Variants in XPR1 observed in about 807,000 individuals in gnomAD.
XPR1 encodes xenotropic and polytropic retrovirus receptor 1, also known as solute carrier family 53 member 1.
XPR1 carries 28 observed loss-of-function variants against 87.5 expected under a neutral mutation model. The observed-to-expected ratio is 0.32, with a 90% CI of 0.24 to 0.44. XPR1 has a LOEUF of 0.44. Among genes scored for constraint, XPR1 ranks in the 20% least tolerant of loss-of-function variants. XPR1 has a pLI of 1.00. For synonymous variants in XPR1, 300 were observed against 306.1 expected (o/e 0.98, Z 0.21); for missense variants, 559 against 862.3 (o/e 0.65, Z 4.41).
chr1:180,840,947 TA>T (rs530543720), intron 11 of XPR1, among the ~76,000 whole-genome samples: 222 of 151,754 alleles, frequency 1.5e-3, no homozygotes, highest in Non-Finnish European at 2.6e-3. Context: ...TGCTAAGCAC[TA>T]AAAAAAATAG....
chr1:180,834,895 T>C lies in XPR1; in HGVS notation c.1156T>C (p.Phe386Leu). Residue 386 changes from phenylalanine to leucine, a missense_variant, in exon 10 of 15, where the codon TTC becomes CTC. By Grantham distance (22) the Phe-to-Leu change is conservative (BLOSUM62 0). Around this residue, in one of 7 missense-constraint regions of XPR1, gnomAD observed 264 missense variants for 377.2 expected, o/e 0.70. Transcript: ENST00000367590. Reference sequence around the variant, plus strand: ...TCAGTTTCGAGTATTTACAGCCCCCTTCCATAAGGTAGGCTTTGCTGATTT... The same window carrying C: ...TCAGTTTCGAGTATTTACAGCCCCCCTCCATAAGGTAGGCTTTGCTGATTT... ...KLLFRVFTAP[F>L]HKVGFADFWL... The C allele has an allele frequency of 6.2e-7, 1 of 1,612,582 alleles. No individual in the cohort carries two copies. Among genetic ancestry groups the C allele is most frequent in the East Asian group, 2.2e-5 (1 of 44,860 alleles).
intron 11 of XPR1, among the ~76,000 whole-genome samples, chr1:180,842,302 T>G (rs1377988236): frequency 6.6e-6 from 1 of 152,172 alleles, no homozygotes; most frequent in Non-Finnish European, 1.5e-5. Flanking sequence ...GAGTGTCTCA[T>G]GTTTTGCTGC....
intron 2 of XPR1, among the ~76,000 whole-genome samples, chr1:180,748,487 C>T (rs1647375513): frequency 7.9e-6 from 1 of 126,756 alleles, no homozygotes; most frequent in African/African-American, 2.9e-5. Flanking sequence ...GGCGCCATCT[C>T]AGCTCACTGC....
intron 9 of XPR1, among the ~76,000 whole-genome samples, chr1:180,832,015 A>T (rs1211620369): frequency 6.6e-6 from 1 of 152,220 alleles, no homozygotes; most frequent in East Asian, 1.9e-4. Context: ...TCCCACCAAC[A>T]GTGTAAAAGC....
At chr1:180,702,148 G>A (rs551547654) in intron 2 of XPR1, among the ~76,000 whole-genome samples, 4 of 77,516 alleles carry the variant, frequency 5.2e-5, no homozygotes, top group East Asian at 5.4e-4. Context: ...CTTTGTTCTC[G>A]TTGGTTTCAA....
At chr1:180,674,024 A>G (rs1184823904) in intron 1 of XPR1, among the ~76,000 whole-genome samples, 1 of 152,214 alleles carries the variant, frequency 6.6e-6, no homozygotes, top group Non-Finnish European at 1.5e-5. Flanking sequence ...GTGGTAGTTC[A>G]TATTCTATTA....
Position 180,889,519 on chromosome 1 carries a change from T to G in XPR1, c.*5453T>G, listed in dbSNP as rs879411307. The stretch of plus-strand genomic sequence containing the variant: ...AAGTCCCTACCTGCACTTCCCTGAT[T>G]GCCCTGTAGCAACACCAGCATGGTG... On this transcript the variant is annotated 3_prime_UTR_variant, in exon 15 of 15. Transcript: ENST00000367590. The G allele has an allele frequency of 6.6e-6, 1 of 152,230 alleles. No individual in the cohort carries two copies. The highest frequency in any genetic ancestry group is 1.5e-5 in the Non-Finnish European group (1 of 68,044). 9.4% of individuals were successfully genotyped at this position (152,230 alleles called of 1,614,324 possible).
intron 2 of XPR1, among the ~76,000 whole-genome samples, chr1:180,775,675 A>G (rs1488786340): frequency 6.6e-6 from 1 of 152,206 alleles, no homozygotes; most frequent in Non-Finnish European, 1.5e-5. Flanking sequence ...TGTGGTATAT[A>G]AAGTGATTAA....
At chr1:180,830,894 G>A (rs1049274836) in intron 9 of XPR1, among the ~76,000 whole-genome samples, 4 of 152,160 alleles carry the variant, frequency 2.6e-5, no homozygotes, top group African/African-American at 9.7e-5. Flanking sequence ...AGTCTGTGTC[G>A]GTCTTCTGTA....
At chr1:180,842,750 G>A (rs1651559836) in intron 11 of XPR1, among the ~76,000 whole-genome samples, 1 of 152,184 alleles carries the variant, frequency 6.6e-6, no homozygotes, top group African/African-American at 2.4e-5. Flanking sequence ...CTAAGTGGTT[G>A]TTGAGGGAAA....
At chr1:180,762,209 C>T (rs537477948) in intron 2 of XPR1, among the ~76,000 whole-genome samples, 2 of 151,864 alleles carry the variant, frequency 1.3e-5, no homozygotes, top group East Asian at 1.9e-4. Flanking sequence ...CAACATGGCA[C>T]ATGTATACAT....
At chr1:180,657,640 T>C (rs1448834350) in intron 1 of XPR1, among the ~76,000 whole-genome samples, 1 of 152,184 alleles carries the variant, frequency 6.6e-6, no homozygotes, top group Non-Finnish European at 1.5e-5. Context: ...TTCTTTTCCA[T>C]TGTTCTGTGT....
chr1:180,768,462 C>T (rs913085084), intron 2 of XPR1, among the ~76,000 whole-genome samples: 1 of 152,212 alleles, frequency 6.6e-6, no homozygotes, highest in African/African-American at 2.4e-5. Flanking sequence ...AGATTGAAAA[C>T]ATGAGTACAA....
intron 2 of XPR1, among the ~76,000 whole-genome samples, chr1:180,769,387 A>G (rs918607501): frequency 3.0e-5 from 4 of 133,670 alleles, no homozygotes; most frequent in African/African-American, 1.2e-4. Context: ...TTTTTTTTGT[A>G]TCAGTTAACC....
chr1:180,881,035 T>C lies in XPR1; in HGVS notation c.2030+738T>C, dbSNP rs115887861. Among the ~76,000 whole-genome samples the C allele has an allele frequency of 6.8e-3, 1,038 of 152,140 alleles. 10 individuals carry two copies. The highest frequency in any genetic ancestry group is 0.023 in the African/African-American group (959 of 41,514). On this transcript the variant is annotated intron_variant, in intron 14 of 14. Transcript: ENST00000367590. ...AGAGACACAGTAAAGAACATAAAGGTAGAAATGAAGTGCAGAAAGAAAAAC... is the reference window on the plus strand; with the variant it reads ...AGAGACACAGTAAAGAACATAAAGGCAGAAATGAAGTGCAGAAAGAAAAAC...
At chr1:180,833,521 A>G (rs547246783) in intron 9 of XPR1, among the ~76,000 whole-genome samples, 18 of 152,306 alleles carry the variant, frequency 1.2e-4, no homozygotes, top group African/African-American at 3.8e-4. Context: ...AAACACAAAA[A>G]AAACAGGGGT....
At chr1:180,873,966 AT>A in intron 13 of XPR1, 24 bp downstream of exon 13, 1 of 1,600,576 alleles carries the variant, frequency 6.2e-7, no homozygotes, top group South Asian at 1.1e-5. Flanking sequence ...TGAAAAGTTT[AT>A]TAAAGATTCT....
At chr1:180,641,290 T>C (rs973400120) in intron 1 of XPR1, among the ~76,000 whole-genome samples, 1 of 152,216 alleles carries the variant, frequency 6.6e-6, no homozygotes, top group Non-Finnish European at 1.5e-5. Flanking sequence ...AAATTTCCTA[T>C]TAAAATTATT....
At chr1:180,649,430 CA>C (rs1020809252) in intron 1 of XPR1, among the ~76,000 whole-genome samples, 4 of 145,048 alleles carry the variant, frequency 2.8e-5, no homozygotes, top group Non-Finnish European at 6.1e-5. Context: ...GACTCTGTCT[CA>C]AAAAAAAACA....
Sources: allele counts gnomAD v4.1 joint callset (sites outside exome capture counted in the v4.1 genomes callset), GRCh38; gene constraint gnomAD v4.1.1; regional missense constraint gnomAD v4.1.1; transcripts MANE v1.5; gene names NCBI Gene and HGNC (gene_info 2026-07-23, HGNC 2026-07-21).